CCNJL: variants seen among roughly 807,000 people sequenced by gnomAD.
CCNJL encodes the protein cyclin J like, also known as cyclin-J-like protein.
Under a neutral mutation model 33.4 loss-of-function variants are expected in CCNJL, and 33 were observed. The ratio of observed to expected loss-of-function variants is 0.99; its 90% CI spans 0.75 to 1.32. The LOEUF is 1.32. CCNJL is among the 40% of genes most tolerant of loss of function. The pLI is 0.00. For missense variants in CCNJL, 512 were observed against 499.7 expected (o/e 1.02, Z -0.23); for synonymous variants, 227 against 220.9 (o/e 1.03, Z -0.24).
At chr5:160,289,873 C>T (rs1225714351) in intron 2 of CCNJL, among the ~76,000 whole-genome samples, 6 of 152,158 alleles carry the variant, frequency 3.9e-5, no homozygotes, top group Non-Finnish European at 8.8e-5. Flanking sequence ...CAGACGTGCC[C>T]GGGAGTGCAG....
chr5:160,309,728 G>A (rs1186087939), intron 2 of CCNJL, among the ~76,000 whole-genome samples: 1 of 152,152 alleles, frequency 6.6e-6, no homozygotes, highest in Admixed American at 6.5e-5. Flanking sequence ...AGGAAATAAA[G>A]TAAAGGAGAA....
In CCNJL at chr5:160,253,512, G is replaced by T. The variant is rs369592831; in HGVS notation, c.1030C>A (p.Pro344Thr). The change falls in exon 6 of 6, where the codon CCC becomes ACC. Residue 344 changes from proline (P) to threonine (T), a missense_variant. Transcript: ENST00000257536. ...CTAAGGGATGCAGGGACGGGCACGG[G>T]ACACATATCCAAGGGCTGCAGCGGT... ...YQPLQPLDMCPVPVPASLSMH... is the reference protein window; with the variant it reads ...YQPLQPLDMCTVPVPASLSMH... 4.4e-5 allele frequency: 71 copies of T among 1,614,100 alleles called. No individual in the cohort carries two copies. The highest frequency in any genetic ancestry group is 5.9e-5 in the Non-Finnish European group (70 of 1,180,044).
intron 2 of CCNJL, among the ~76,000 whole-genome samples, chr5:160,292,685 T>A (rs1762625239): frequency 1.3e-5 from 2 of 150,016 alleles, no homozygotes; most frequent in Non-Finnish European, 3.0e-5. Context: ...TATAGTAGTT[T>A]TATATATATA....
intron 2 of CCNJL, among the ~76,000 whole-genome samples, chr5:160,288,903 T>C (rs1027050467): frequency 1.1e-4 from 17 of 150,694 alleles, no homozygotes; most frequent in African/African-American, 4.2e-4. Context: ...ACAGAAGTAC[T>C]ACTAGGTTCT....
At chr5:160,327,819 A>C (rs918325392) in intron 1 of CCNJL, among the ~76,000 whole-genome samples, 2 of 152,268 alleles carry the variant, frequency 1.3e-5, no homozygotes, top group African/African-American at 4.8e-5. Flanking sequence ...ATCTGTATCC[A>C]AACCTGTTTC....
chr5:160,331,262 C>T (rs1370798728), intron 1 of CCNJL, among the ~76,000 whole-genome samples: 5 of 140,938 alleles, frequency 3.5e-5, no homozygotes, highest in Admixed American at 7.4e-5. Flanking sequence ...CTTGCTCTGT[C>T]GCCCAGGCTG....
intron 2 of CCNJL, among the ~76,000 whole-genome samples, chr5:160,296,891 T>C (rs1046214174): frequency 2.0e-5 from 3 of 152,204 alleles, no homozygotes; most frequent in Non-Finnish European, 4.4e-5. Context: ...GTCTTTGGTA[T>C]AGCGGTAGGA....
intron 1 of CCNJL, among the ~76,000 whole-genome samples, chr5:160,322,076 G>A (rs1008948516): frequency 3.3e-5 from 5 of 152,120 alleles, no homozygotes; most frequent in Non-Finnish European, 5.9e-5. Flanking sequence ...GTGAGGAGGG[G>A]CCAGATCTTG....
intron 2 of CCNJL, among the ~76,000 whole-genome samples, chr5:160,298,030 G>A (rs1762803801): frequency 6.6e-6 from 1 of 152,112 alleles, no homozygotes; most frequent in African/African-American, 2.4e-5. Context: ...CAAGTCCTCT[G>A]CTCTATGTGT....
chr5:160,279,761 G>A (rs565048643), intron 3 of CCNJL, among the ~76,000 whole-genome samples: 1 of 152,324 alleles, frequency 6.6e-6, no homozygotes, highest in African/African-American at 2.4e-5. Flanking sequence ...CCCAGGAAGT[G>A]ATGAGGAGAA....
chr5:160,308,127 A>C (rs1472176255), intron 2 of CCNJL, among the ~76,000 whole-genome samples: 1 of 152,210 alleles, frequency 6.6e-6, no homozygotes, highest in Non-Finnish European at 1.5e-5. Context: ...GAGGGTGGTC[A>C]CAAACCCTAA....
intron 1 of CCNJL, among the ~76,000 whole-genome samples, chr5:160,331,270 C>T (rs1398847649): frequency 1.4e-5 from 2 of 148,010 alleles, no homozygotes; most frequent in Non-Finnish European, 3.0e-5. Flanking sequence ...GTCGCCCAGG[C>T]TGGAGTGCGG....
intron 2 of CCNJL, among the ~76,000 whole-genome samples, chr5:160,292,166 ACACAGC>A (rs1762608426): frequency 6.6e-6 from 1 of 152,216 alleles, no homozygotes; most frequent in Admixed American, 6.5e-5. Context: ...GCAAGGAAGG[ACACAGC>A]CTTCTCTTTC....
At position 160,280,581 on chromosome 5, in the gene CCNJL, T is replaced by C. The variant is rs201843807; in HGVS notation, c.224A>G (p.Asn75Ser). The C allele has an allele frequency of 2.8e-4, 454 of 1,613,276 alleles. 4 individuals are homozygous for C. In the African/African-American group the frequency reaches 5.6e-3, roughly 20 times the overall value. ...YLLDHFMDRY[N>S]VTTSKQLYTV... Reference sequence around the variant, plus strand: ...GTAGAGCTGCTTGGAGGTGGTGACGTTGTAGCGATCCATGAAGTGGTCCAG... The same window carrying C: ...GTAGAGCTGCTTGGAGGTGGTGACGCTGTAGCGATCCATGAAGTGGTCCAG... Residue 75 changes from asparagine to serine, a missense_variant, in exon 3 of 6, where the codon AAC becomes AGC. Physicochemically the swap from Asn to Ser is conservative, Grantham distance 46. Coordinates refer to ENST00000257536, the MANE Select transcript of CCNJL (RefSeq NM_001308173.3).
At chr5:160,261,715 C>G (rs1455067257) in intron 3 of CCNJL, among the ~76,000 whole-genome samples, 4 of 152,268 alleles carry the variant, frequency 2.6e-5, no homozygotes, top group East Asian at 3.9e-4. Context: ...CCCCTCACCC[C>G]CCTTATCGGT....
chr5:160,333,624 T>C lies in CCNJL; in HGVS notation n.206+5821A>G, dbSNP rs555586842. On this transcript the variant is annotated intron_variant and non_coding_transcript_variant, in intron 1 of 7. Transcript: ENST00000377503. ...AAAAAAAATCCCTTTCTATTTTCCC[T>C]CTAGCTAAGAGAACAAGCTTCCACT... is the stretch of plus-strand genomic sequence containing the variant. 1.4e-3 allele frequency among the ~76,000 whole-genome samples: 207 copies of C among 150,750 alleles called. 2 individuals carry two copies. The highest frequency in any genetic ancestry group is 0.01 in the Middle Eastern group (3 of 290).
intron 2 of CCNJL, among the ~76,000 whole-genome samples, chr5:160,307,328 AGAT>A (rs1311391158): frequency 1.3e-5 from 2 of 152,166 alleles, no homozygotes; most frequent in African/African-American, 4.8e-5. Flanking sequence ...AGGGTGACAA[AGAT>A]GGTGAAAGAA....
chr5:160,330,587 C>G (rs746344141), intron 1 of CCNJL, among the ~76,000 whole-genome samples: 1 of 152,188 alleles, frequency 6.6e-6, no homozygotes, highest in Non-Finnish European at 1.5e-5. Context: ...ACCTCCTGGC[C>G]ACCAGGTCAC....
chr5:160,331,222 C>CTTT (rs574507230), intron 1 of CCNJL, among the ~76,000 whole-genome samples: 24 of 131,414 alleles, frequency 1.8e-4, no homozygotes, highest in South Asian at 4.6e-4. Context: ...TTCTTTCTTT[C>CTTT]TTTTTTTTTT....
Sources: gnomAD v4.1 joint callset for allele counts (sites outside exome capture counted in the v4.1 genomes callset) on GRCh38, gnomAD v4.1.1 for gene constraint, MANE v1.5 for transcripts, NCBI Gene and HGNC (gene_info 2026-07-23, HGNC 2026-07-21) for gene names.